The following RCC1L variants were observed in gnomAD, a reference collection of about 807,000 sequenced individuals.
RCC1L encodes the protein RCC1-like G exchanging factor-like protein.
In RCC1L, 46 loss-of-function variants were observed where a neutral mutation model predicts 58.6. That is an observed-to-expected ratio of 0.79 (90% CI 0.62 to 1.00). RCC1L has a LOEUF of 1.00. Among genes scored for constraint, RCC1L ranks in the 50% least tolerant of loss-of-function variants. RCC1L has a pLI of 0.00. For missense variants in RCC1L, 636 were observed against 623.6 expected, an observed-to-expected ratio of 1.02 and a Z score of -0.21; for synonymous variants, 281 against 262.9, an observed-to-expected ratio of 1.07 and a Z score of -0.67.
intron 10 of RCC1L, among the ~76,000 whole-genome samples, chr7:75,030,087 G>C (rs1325053383): frequency 1.3e-5 from 2 of 152,270 alleles, no homozygotes; most frequent in African/African-American, 4.8e-5. Context: ...ATGGCATCCA[G>C]GGACAGCCTG....
Position 75,042,459 on chromosome 7 carries a change from T to C in RCC1L, c.*573A>G. The C allele has an allele frequency of 1.0e-6, 1 of 989,052 alleles. No individual in the cohort carries two copies. The highest frequency in any genetic ancestry group is 1.2e-6 in the Non-Finnish European group (1 of 832,016). 61.3% of individuals were successfully genotyped at this position (989,052 alleles called of 1,614,324 possible). A position where few individuals can be genotyped will look rare whatever the true frequency, so the allele number is the denominator to read the frequency against. ...GCTGGGGCTGGTGCCTGCGGACAGC[T>C]CCAGATGGAATCCCAGGCCACGGTG... is the stretch of plus-strand genomic sequence containing the variant. On this transcript the variant is annotated 3_prime_UTR_variant, in exon 11 of 11. Coordinates refer to ENST00000610322, the MANE Select transcript of RCC1L (RefSeq NM_030798.5).
At position 75,073,678 on chromosome 7, in the gene RCC1L, C is replaced by A; in HGVS notation, c.60G>T (p.Gly20=). ...ARLGRRLSGP[G]LGRGHWTAAG... Reference sequence around the variant, plus strand: ...CCGCCGTCCAGTGCCCTCGCCCCAGCCCCGGCCCGCTCAGCCGCCGCCCCA... The same window carrying A: ...CCGCCGTCCAGTGCCCTCGCCCCAGACCCGGCCCGCTCAGCCGCCGCCCCA... Residue 20 remains glycine, a synonymous_variant, in exon 1 of 11, where the codon GGG becomes GGT. Transcript: ENST00000610322. 6.6e-7 allele frequency: 1 copy of A among 1,505,866 alleles called. No individual in the cohort carries two copies. The highest frequency in any genetic ancestry group is 8.8e-7 in the Non-Finnish European group (1 of 1,133,350). The allele number at this position is 1,505,866 out of a possible 1,614,324, so 93.3% of individuals were successfully genotyped here. A position where few individuals can be genotyped will look rare whatever the true frequency, so the allele number is the denominator to read the frequency against.
At chr7:75,067,245 G>T (rs1233507452) in intron 2 of RCC1L, among the ~76,000 whole-genome samples, 1 of 151,160 alleles carries the variant, frequency 6.6e-6, no homozygotes, top group Non-Finnish European at 1.5e-5. Flanking sequence ...AGGTTGCAGT[G>T]AGCTGAGATT....
chr7:75,061,113 G>A, intron 6 of RCC1L, 94 bp downstream of exon 6: 1 of 1,002,944 alleles, frequency 1.0e-6, no homozygotes, highest in Non-Finnish European at 1.6e-6. Flanking sequence ...AATTAAGGAA[G>A]AAGGGTTCTA....
intron 10 of RCC1L, 102 bp from the exon 11 acceptor site, chr7:75,043,211 A>T (rs2131976708): frequency 7.8e-7 from 1 of 1,288,934 alleles, no homozygotes; most frequent in Non-Finnish European, 1.1e-6. Context: ...TAGGAGACTC[A>T]GTAGGAGACA....
downstream of RCC1L, among the ~76,000 whole-genome samples, chr7:75,040,747 T>C (rs1480065337): frequency 1.3e-5 from 2 of 152,002 alleles, no homozygotes; most frequent in Non-Finnish European, 2.9e-5. Context: ...GAAGGAAAAA[T>C]GACACACGGT....
intron 8 of RCC1L, chr7:75,056,830 CT>C (rs1303297226): frequency 2.3e-4 from 269 of 1,163,494 alleles, no homozygotes; most frequent in Admixed American, 3.2e-4. Flanking sequence ...TAGTCCCTTC[CT>C]TTTTTGAAAC....
At chr7:75,031,234 G>A (rs1037682170) in intron 10 of RCC1L, among the ~76,000 whole-genome samples, 60 of 152,188 alleles carry the variant, frequency 3.9e-4, no homozygotes, top group Middle Eastern at 3.4e-3. Flanking sequence ...CCCCACCATC[G>A]TAGTGGGGGC....
intron 2 of RCC1L, among the ~76,000 whole-genome samples, chr7:75,067,767 C>A (rs1254013370): frequency 6.6e-6 from 1 of 151,990 alleles, no homozygotes; most frequent in Non-Finnish European, 1.5e-5. Flanking sequence ...ATCACTTGGG[C>A]CAGGGAGGTT....
chr7:75,043,079 C>T lies in RCC1L; in HGVS notation c.1348G>A (p.Ala450Thr), dbSNP rs1805614086. ...VTMPGEPVDV[A>T]CGVDHMVTLA... is the part of the protein sequence containing the mutation. The stretch of plus-strand genomic sequence containing the variant: ...GTCACCATGTGGTCCACGCCACATG[C>T]CACGTCCACAGGCTCCCCAGGCATC... The change falls in exon 11 of 11, where the codon GCA becomes ACA. Residue 450 changes from alanine (A) to threonine (T), a missense_variant. Coordinates refer to ENST00000610322, the MANE Select transcript of RCC1L (RefSeq NM_030798.5). 6.2e-7 allele frequency: 1 copy of T among 1,613,930 alleles called. No homozygotes were observed. The highest frequency in any genetic ancestry group is 1.3e-5 in the African/African-American group (1 of 74,952).
intron 10 of RCC1L, among the ~76,000 whole-genome samples, chr7:75,047,708 C>A (rs1015657783): frequency 2.0e-5 from 3 of 151,470 alleles, no homozygotes; most frequent in African/African-American, 7.2e-5. Context: ...AGTGCAGTGG[C>A]GCAATCTCGG....
intron 10 of RCC1L, among the ~76,000 whole-genome samples, chr7:75,046,022 C>T (rs1010553671): frequency 3.3e-5 from 5 of 152,220 alleles, no homozygotes; most frequent in Non-Finnish European, 1.5e-5. Flanking sequence ...AGAGGGAAAC[C>T]GCCTAATCCA....
At chr7:75,063,372 C>G (rs1421015589) in intron 4 of RCC1L, 29 bp from the exon 5 acceptor site, 3 of 1,613,172 alleles carry the variant, frequency 1.9e-6, no homozygotes, top group Non-Finnish European at 2.5e-6. Flanking sequence ...TGGGAAGAAG[C>G]AAGGGATGCG....
intron 8 of RCC1L, 111 bp from the exon 9 acceptor site, chr7:75,056,185 G>GT (rs1407407702): frequency 0.026 from 25,868 of 985,152 alleles, 3 homozygotes; most frequent in East Asian, 0.034. Flanking sequence ...GTTTTTTTTT[G>GT]TTTTTTTTTT....
Position 75,066,645 on chromosome 7 carries a change from C to A in RCC1L, c.583+19G>T. ...ATGGTCCCTGCACTCTTCCATCACC[C>A]TTCAATAGGTCAACTCACCTCCTTC... On this transcript the variant is annotated intron_variant, in intron 3 of 10. Coordinates refer to ENST00000610322, the MANE Select transcript of RCC1L (RefSeq NM_030798.5). The A allele has an allele frequency of 1.9e-6, 3 of 1,609,344 alleles. No homozygotes were observed. Among genetic ancestry groups the A allele is most frequent in the South Asian group, 1.1e-5 (1 of 90,720 alleles).
In RCC1L at chr7:75,070,624, A is replaced by G. The variant is rs782455306; in HGVS notation, c.454+16T>C. Reference sequence around the variant, plus strand: ...GACCAATCCCGGCAAAGAGGAGACAAGGTAGGGATGCTCACTTTTATCTTT... The same window carrying G: ...GACCAATCCCGGCAAAGAGGAGACAGGGTAGGGATGCTCACTTTTATCTTT... On this transcript the variant is annotated intron_variant, in intron 2 of 10. Coordinates refer to ENST00000610322, the MANE Select transcript of RCC1L (RefSeq NM_030798.5). The G allele has an allele frequency of 1.5e-5, 24 of 1,613,446 alleles. No homozygotes were observed. The highest frequency in any genetic ancestry group is 2.0e-5 in the Non-Finnish European group (24 of 1,179,646).
intron 10 of RCC1L, among the ~76,000 whole-genome samples, chr7:75,044,124 T>G (rs1453207501): frequency 1.3e-4 from 20 of 152,108 alleles, no homozygotes; most frequent in Admixed American, 9.2e-4. Flanking sequence ...CGCCCACTGT[T>G]CTATAGCCTC....
chr7:75,050,348 G>A (rs1456524181), intron 10 of RCC1L, among the ~76,000 whole-genome samples: 1 of 152,122 alleles, frequency 6.6e-6, no homozygotes, highest in Admixed American at 6.5e-5. Flanking sequence ...TTGGTGTGTG[G>A]CGAGCCAGGG....
chr7:75,050,201 G>A (rs1301785088), intron 10 of RCC1L, among the ~76,000 whole-genome samples: 1 of 152,200 alleles, frequency 6.6e-6, no homozygotes, highest in African/African-American at 2.4e-5. Context: ...AGAATCACTT[G>A]AACCCGGAAG....
Sources: gnomAD v4.1 joint callset for allele counts (sites outside exome capture counted in the v4.1 genomes callset) on GRCh38, gnomAD v4.1.1 for gene constraint, MANE v1.5 for transcripts, NCBI Gene and HGNC (gene_info 2026-07-23, HGNC 2026-07-21) for gene names.